Variants in FRMD3 observed in about 807,000 individuals in gnomAD.
FRMD3 encodes the protein FERM domain containing 3.
FRMD3 carries 33 observed loss-of-function variants against 70.2 expected under a neutral mutation model. The ratio of observed to expected loss-of-function variants is 0.47; its 90% CI spans 0.36 to 0.63. The LOEUF (loss-of-function observed/expected upper bound fraction) is 0.63, where lower values mean the gene tolerates loss of function less well. FRMD3 is among the 20% of genes least tolerant of loss of function. The pLI is 0.00. For synonymous variants in FRMD3, 279 were observed against 255.9 expected (o/e 1.09, Z -0.86); for missense variants, 632 against 711.4 (o/e 0.89, Z 1.27).
In FRMD3 at chr9:83,247,954, T is replaced by C; in HGVS notation, c.1758A>G (p.Lys586=). 6.2e-7 allele frequency: 1 copy of C among 1,614,176 alleles called. No individual in the cohort carries two copies. The highest frequency in any genetic ancestry group is 8.5e-7 in the Non-Finnish European group (1 of 1,180,036). Residue 586 remains lysine, a synonymous_variant, in exon 14 of 14, where the codon AAA becomes AAG. Coordinates refer to ENST00000304195, the MANE Select transcript of FRMD3 (RefSeq NM_174938.6). ...CCAGCATGTAGAGGATGAGGTGGACTTTCCCAGCCACCCACTCCTTGAGGG... is the reference window on the plus strand; with the variant it reads ...CCAGCATGTAGAGGATGAGGTGGACCTTCCCAGCCACCCACTCCTTGAGGG... ...YCPLKEWVAG[K]VHLILYMLGC...
At chr9:83,326,047 C>T (rs1836002192) in intron 6 of FRMD3, among the ~76,000 whole-genome samples, 1 of 152,018 alleles carries the variant, frequency 6.6e-6, no homozygotes. Context: ...TGCTAGTTGA[C>T]CGGGTATAAA....
chr9:83,323,261 TAGAAA>T (rs1835873277), intron 6 of FRMD3, among the ~76,000 whole-genome samples: 1 of 152,166 alleles, frequency 6.6e-6, no homozygotes, highest in African/African-American at 2.4e-5. Context: ...TAGCAAAAAC[TAGAAA>T]ACAACTCAAA....
At chr9:83,356,787 G>T in intron 3 of FRMD3, among the ~76,000 whole-genome samples, 1 of 151,724 alleles carries the variant, frequency 6.6e-6, no homozygotes, top group East Asian at 1.9e-4. Context: ...GGTGGTGTTG[G>T]TTACATGAAT....
intron 13 of FRMD3, among the ~76,000 whole-genome samples, chr9:83,266,268 T>G (rs1461370260): frequency 6.6e-6 from 1 of 152,224 alleles, no homozygotes; most frequent in Non-Finnish European, 1.5e-5. Context: ...ATTATGTCAT[T>G]ATACAAATAT....
chr9:83,367,947 T>G (rs1294027011), intron 3 of FRMD3, among the ~76,000 whole-genome samples: 1 of 152,198 alleles, frequency 6.6e-6, no homozygotes, highest in Non-Finnish European at 1.5e-5. Flanking sequence ...TGCTAAAAAT[T>G]CATCAATTTT....
At chr9:83,488,106 C>T (rs1383340615) in intron 1 of FRMD3, among the ~76,000 whole-genome samples, 1 of 152,158 alleles carries the variant, frequency 6.6e-6, no homozygotes, top group Non-Finnish European at 1.5e-5. Context: ...GATACATCAA[C>T]ATATATACTC....
intron 9 of FRMD3, 76 bp from the exon 10 acceptor site, chr9:83,309,700 G>A (rs1835279584): frequency 3.8e-6 from 3 of 786,168 alleles, no homozygotes; most frequent in South Asian, 3.6e-5. Context: ...TTTTTTTCAG[G>A]TGTTTACCTC....
chr9:83,352,125 T>C (rs909592243), intron 3 of FRMD3, among the ~76,000 whole-genome samples: 5 of 152,224 alleles, frequency 3.3e-5, no homozygotes, highest in African/African-American at 1.2e-4. Flanking sequence ...TTAGGTTGTT[T>C]TCACACTTTT....
At chr9:83,298,045 A>G (rs1420695478) in intron 12 of FRMD3, among the ~76,000 whole-genome samples, 1 of 152,202 alleles carries the variant, frequency 6.6e-6, no homozygotes, top group Non-Finnish European at 1.5e-5. Flanking sequence ...GGTTTCAAAG[A>G]TGGGAAAGAA....
intron 1 of FRMD3, among the ~76,000 whole-genome samples, chr9:83,510,873 G>A (rs1366238210): frequency 1.3e-5 from 2 of 152,178 alleles, no homozygotes; most frequent in African/African-American, 4.8e-5. Context: ...AGAGGGTGGA[G>A]GGAGTGACAA....
intron 3 of FRMD3, among the ~76,000 whole-genome samples, chr9:83,353,224 T>A (rs1449781385): frequency 7.4e-6 from 1 of 135,372 alleles, no homozygotes; most frequent in Non-Finnish European, 1.5e-5. Context: ...GCCAGAGACC[T>A]GAACTGATGA....
At chr9:83,350,603 A>G (rs867734118) in intron 3 of FRMD3, 1 of 272,552 alleles carries the variant, frequency 3.7e-6, no homozygotes, top group African/African-American at 2.4e-5. Flanking sequence ...AGCCTGGGCA[A>G]TAAGAGTGAA....
intron 6 of FRMD3, among the ~76,000 whole-genome samples, chr9:83,317,125 T>C (rs1355920861): frequency 6.6e-6 from 1 of 151,516 alleles, no homozygotes; most frequent in African/African-American, 2.4e-5. Context: ...AGAAAGATCC[T>C]GTCTTAAAAA....
intron 1 of FRMD3, among the ~76,000 whole-genome samples, chr9:83,428,377 CA>C (rs201510596): frequency 0.016 from 2,204 of 136,380 alleles, 36 homozygotes; most frequent in African/African-American, 0.054. Flanking sequence ...GACTCGGCCT[CA>C]AAAAAAAAAA....
chr9:83,525,171 G>A lies in FRMD3; in HGVS notation c.147+12914C>T, dbSNP rs117583956. ...TTTCCAGATTAACGTTTAGCATCAC[G>A]GACTAGAGTTTTAAAGCAACAAATT... On this transcript the variant is annotated intron_variant, in intron 1 of 13. Transcript: ENST00000304195. Among the ~76,000 whole-genome samples, 167 of 152,198 alleles carry A rather than the reference G, an allele frequency of 1.1e-3. 1 individual carries two copies. The highest frequency in any genetic ancestry group is 2.6e-3 in the Admixed American group (40 of 15,284).
chr9:83,490,763 T>TTC (rs67058664), intron 1 of FRMD3, among the ~76,000 whole-genome samples: 311 of 129,260 alleles, frequency 2.4e-3, no homozygotes, highest in Non-Finnish European at 3.4e-3. Context: ...TTTTACTCTC[T>TTC]TCTCTCTCTC....
the FRMD3 span, among the ~76,000 whole-genome samples, chr9:83,563,174 G>A: frequency 5.3e-5 from 8 of 152,210 alleles, no homozygotes; most frequent in East Asian, 1.5e-3. Flanking sequence ...CAGTTCAGGG[G>A]CTTCCCAAGT....
chr9:83,436,787 A>G (rs1000434953), intron 1 of FRMD3, among the ~76,000 whole-genome samples: 13 of 95,708 alleles, frequency 1.4e-4, no homozygotes, highest in African/African-American at 5.7e-4. Context: ...AGGGGAAAAA[A>G]AAAAAAAAAA....
chr9:83,279,583 AGTG>A (rs780322120), intron 13 of FRMD3: 1 of 152,210 alleles, frequency 6.6e-6, no homozygotes, highest in African/African-American at 2.4e-5. Context: ...GATTAAAAAA[AGTG>A]GTACATATAT....
Sources: gnomAD v4.1 joint callset for allele counts (sites outside exome capture counted in the v4.1 genomes callset) on GRCh38, gnomAD v4.1.1 for gene constraint, MANE v1.5 for transcripts, NCBI Gene and HGNC (gene_info 2026-07-23, HGNC 2026-07-21) for gene names.